Variants in NRDC observed in about 807,000 individuals in gnomAD.
The protein encoded by NRDC is nardilysin convertase.
NRDC carries 54 observed loss-of-function variants against 147.1 expected under a neutral mutation model. That is an observed-to-expected ratio of 0.37 (90% CI 0.29 to 0.46). NRDC has a LOEUF of 0.46. Among genes scored for constraint, NRDC ranks in the 20% least tolerant of loss-of-function variants. NRDC has a pLI of 1.00. For missense variants in NRDC, 1,082 were observed against 1,370.6 expected, an observed-to-expected ratio of 0.79 and a Z score of 3.33; for synonymous variants, 440 against 482.1, an observed-to-expected ratio of 0.91 and a Z score of 1.14.
At chr1:51,849,101 C>G (rs1454608274) in intron 1 of NRDC, among the ~76,000 whole-genome samples, 2 of 152,148 alleles carry the variant, frequency 1.3e-5, no homozygotes, top group African/African-American at 4.8e-5. Flanking sequence ...AAAACCCCAA[C>G]AAGGGCCGGA....
chr1:51,823,095 A>C (rs1680277980), intron 7 of NRDC, among the ~76,000 whole-genome samples: 1 of 152,230 alleles, frequency 6.6e-6, no homozygotes, highest in Non-Finnish European at 1.5e-5. Context: ...GAAAAAGTGA[A>C]TGTGAGTTAC....
chr1:51,813,761 T>C (rs1285788202), intron 14 of NRDC, among the ~76,000 whole-genome samples: 3 of 152,226 alleles, frequency 2.0e-5, no homozygotes, highest in South Asian at 4.1e-4. Context: ...GAATGTTTAT[T>C]GAAGGGATAG....
chr1:51,830,899 CT>C (rs1187889494), intron 4 of NRDC, among the ~76,000 whole-genome samples: 3 of 152,050 alleles, frequency 2.0e-5, no homozygotes, highest in Non-Finnish European at 2.9e-5. Context: ...TTTTGCTAAC[CT>C]ATTAAAAACA....
At chr1:51,789,898 T>C (rs1678506907) in intron 29 of NRDC, 1 of 527,664 alleles carries the variant, frequency 1.9e-6, no homozygotes, top group South Asian at 2.1e-5. Flanking sequence ...TAATTACAGC[T>C]AAATACCATA....
At chr1:51,801,360 G>A (rs1018003593) in intron 20 of NRDC, 1 of 152,016 alleles carries the variant, frequency 6.6e-6, no homozygotes, top group Non-Finnish European at 1.5e-5. Context: ...GCACAGGCTA[G>A]TGACACGATC....
chr1:51,813,711 T>G (rs530612423), intron 14 of NRDC, among the ~76,000 whole-genome samples: 4 of 152,290 alleles, frequency 2.6e-5, no homozygotes, highest in South Asian at 4.1e-4. Flanking sequence ...TTCACAATAT[T>G]TGAATTCCCA....
chr1:51,853,020 G>A (rs918863761), intron 1 of NRDC, among the ~76,000 whole-genome samples: 5 of 151,714 alleles, frequency 3.3e-5, no homozygotes, highest in East Asian at 1.9e-4. Flanking sequence ...TCAGGAGTTC[G>A]AGACCAGCCT....
At chr1:51,861,471 A>G (rs929943088) in intron 1 of NRDC, among the ~76,000 whole-genome samples, 67 of 151,546 alleles carry the variant, frequency 4.4e-4, no homozygotes, top group African/African-American at 1.6e-3. Context: ...CTGGGACTAC[A>G]GGTGCATGCC....
rs535213169 is a variant in NRDC at position 51,854,936 on chromosome 1, C to T, written c.342-14422G>A. ...AGAGGAACTGGGGACTGAACTCTGA[C>T]TCCCCTTCTTTGTTCTAAATTTCTT... is the stretch of plus-strand genomic sequence containing the variant. On this transcript the variant is annotated intron_variant, in intron 1 of 30. Coordinates refer to ENST00000352171, the MANE Select transcript of NRDC (RefSeq NM_001101662.2). 2.1e-4 allele frequency among the ~76,000 whole-genome samples: 32 copies of T among 152,350 alleles called. No individual in the cohort carries two copies. In the South Asian group the frequency reaches 6.4e-3, roughly 31 times the overall value.
chr1:51,832,113 C>G (rs1162812567), intron 4 of NRDC, among the ~76,000 whole-genome samples: 1 of 152,008 alleles, frequency 6.6e-6, no homozygotes, highest in African/African-American at 2.4e-5. Context: ...ATGGCATGAT[C>G]TCAGCTCACT....
chr1:51,841,596 C>T (rs1681269964), intron 1 of NRDC, among the ~76,000 whole-genome samples: 1 of 152,180 alleles, frequency 6.6e-6, no homozygotes, highest in African/African-American at 2.4e-5. Flanking sequence ...CATAAGCCAT[C>T]GCATTCAGCC....
chr1:51,847,452 G>A (rs949455604), intron 1 of NRDC, among the ~76,000 whole-genome samples: 5 of 152,218 alleles, frequency 3.3e-5, no homozygotes, highest in African/African-American at 1.2e-4. Flanking sequence ...GGGGAGGCTC[G>A]GGGAGTGCAG....
At chr1:51,865,433 T>C (rs1682760141) in intron 1 of NRDC, among the ~76,000 whole-genome samples, 1 of 151,600 alleles carries the variant, frequency 6.6e-6, no homozygotes, top group African/African-American at 2.4e-5. Context: ...GCCTCCCGAG[T>C]AGCCAGGATT....
chr1:51,814,225 T>C (rs925066750), intron 13 of NRDC, 136 bp from the exon 14 acceptor site: 2 of 617,326 alleles, frequency 3.2e-6, no homozygotes, highest in African/African-American at 3.7e-5. Flanking sequence ...CAAAATAATC[T>C]GTACAACAAA....
Position 51,816,398 on chromosome 1 carries a change from A to AT in NRDC, c.1362-10_1362-9insA. 1 of 1,547,846 alleles carries AT rather than the reference A, an allele frequency of 6.5e-7. No individual in the cohort carries two copies. The highest frequency in any genetic ancestry group is 8.7e-7 in the Non-Finnish European group (1 of 1,143,610). On this transcript the variant is annotated splice_polypyrimidine_tract_variant and intron_variant, in intron 10 of 30. Transcript: ENST00000352171. Reference sequence around the variant, plus strand: ...AATGAAGTGGCTTCACCCTTTTAAAAAAATTTAATGGTCAGAAGAAAAAAA... The same window carrying AT: ...AATGAAGTGGCTTCACCCTTTTAAAATAAATTTAATGGTCAGAAGAAAAAAA...
chr1:51,856,521 CACTT>C lies in NRDC; in HGVS notation c.342-16011_342-16008del, dbSNP rs374475553. On this transcript the variant is annotated intron_variant, in intron 1 of 30. Coordinates refer to ENST00000352171, the MANE Select transcript of NRDC (RefSeq NM_001101662.2). ...GGAGGGCTCACAGAACTTTGGGAAA[CACTT>C]ACATTTACTGGTTTATTGTAAAGGA... Among the ~76,000 whole-genome samples, 374 of 152,250 alleles carry C rather than the reference CACTT, an allele frequency of 2.5e-3. 1 individual carries two copies. Among genetic ancestry groups the C allele is most frequent in the African/African-American group, 8.5e-3 (354 of 41,536 alleles).
In NRDC at chr1:51,806,843, T is replaced by A; in HGVS notation, c.2061A>T (p.Pro687=). 1 of 1,614,158 alleles carries A rather than the reference T, an allele frequency of 6.2e-7. No individual in the cohort carries two copies. The highest frequency in any genetic ancestry group is 1.7e-5 in the Admixed American group (1 of 60,022). The stretch of plus-strand genomic sequence containing the variant: ...CTTTCTTATACCACAGGCAACCTTG[T>A]GGAGTATTCACAATTTTAACTGGGT... ...TEYPVKIVNT[P]QGCLWYKKDN... The change falls in exon 18 of 31, where the codon CCA becomes CCT. Residue 687 remains proline, a synonymous_variant. Transcript: ENST00000352171.
intron 4 of NRDC, among the ~76,000 whole-genome samples, chr1:51,830,590 G>A (rs893496878): frequency 6.6e-6 from 1 of 152,180 alleles, no homozygotes; most frequent in Non-Finnish European, 1.5e-5. Context: ...TGGAATCTAG[G>A]CTATAACTAC....
At chr1:51,823,565 CTAAAGTAAT>C in intron 7 of NRDC, 90 bp downstream of exon 7, 2 of 818,124 alleles carry the variant, frequency 2.4e-6, no homozygotes, top group East Asian at 5.9e-5. Flanking sequence ...AGGTCAAGCA[CTAAAGTAAT>C]TAATAGTACA....
Sources: gnomAD v4.1 joint callset for allele counts (sites outside exome capture counted in the v4.1 genomes callset) on GRCh38, gnomAD v4.1.1 for gene constraint, MANE v1.5 for transcripts, NCBI Gene and HGNC (gene_info 2026-07-23, HGNC 2026-07-21) for gene names.